The following DZIP1 variants were observed in gnomAD, a reference collection of about 807,000 sequenced individuals.
The protein encoded by DZIP1 is cilium assembly protein DZIP1.
In DZIP1, 97 loss-of-function variants were observed where a neutral mutation model predicts 107.6. The ratio of observed to expected loss-of-function variants is 0.90; its 90% CI spans 0.77 to 1.07. The LOEUF (loss-of-function observed/expected upper bound fraction) is 1.07. Ranked by LOEUF, DZIP1 falls within the 50% of genes least tolerant of loss-of-function variation. The pLI is 0.00. For synonymous variants in DZIP1, 390 were observed against 386.4 expected (o/e 1.01, Z -0.11); for missense variants, 1,035 against 1,063.6 (o/e 0.97, Z 0.37).
rs2043998530 is a variant in DZIP1 at position 95,580,493 on chromosome 13, C to T, written c.*1741G>A. 1 of 152,148 alleles carries T rather than the reference C, an allele frequency of 6.6e-6. No homozygotes were observed. Among genetic ancestry groups the T allele is most frequent in the African/African-American group, 2.4e-5 (1 of 41,422 alleles). The allele number at this position is 152,148 out of a possible 1,614,324, so 9.4% of individuals were successfully genotyped here. A position where few individuals can be genotyped will look rare whatever the true frequency, so the allele number is the denominator to read the frequency against. ...CTCAGGAATGAAAACATGGCAGACACAAAACATGGAATAGAGACCTGGCTT... is the reference window on the plus strand; with the variant it reads ...CTCAGGAATGAAAACATGGCAGACATAAAACATGGAATAGAGACCTGGCTT... On this transcript the variant is annotated 3_prime_UTR_variant, in exon 23 of 23. Transcript: ENST00000376829.
At chr13:95,644,212 C>T (rs1878853754) in intron 1 of DZIP1, among the ~76,000 whole-genome samples, 165 bp downstream of exon 1, 1 of 152,230 alleles carries the variant, frequency 6.6e-6, no homozygotes, top group African/African-American at 2.4e-5. Context: ...CGGCGCCCTT[C>T]CTTGGAAGGC....
Position 95,599,543 on chromosome 13 carries a change from A to T in DZIP1, c.1478-119T>A, listed in dbSNP as rs997217795. ...GGTATTTTAGTCATGCCTGAATAGC[A>T]AGAATTTACTGAGGAAAAAACGTTG... is the stretch of plus-strand genomic sequence containing the variant. On this transcript the variant is annotated intron_variant, in intron 14 of 22. Coordinates refer to ENST00000376829, the MANE Select transcript of DZIP1 (RefSeq NM_198968.4). 5.8e-6 allele frequency: 5 copies of T among 856,904 alleles called. No individual in the cohort carries two copies. In the African/African-American group the frequency reaches 6.8e-5, roughly 12 times the overall value. The allele number at this position is 856,904 out of a possible 1,614,324, so 53.1% of individuals were successfully genotyped here. A position where few individuals can be genotyped will look rare whatever the true frequency, so the allele number is the denominator to read the frequency against.
At chr13:95,606,235 C>T (rs1409950598) in intron 13 of DZIP1, among the ~76,000 whole-genome samples, 176 bp from the exon 14 acceptor site, 1 of 152,196 alleles carries the variant, frequency 6.6e-6, no homozygotes, top group Non-Finnish European at 1.5e-5. Flanking sequence ...TTCATAACAG[C>T]TTTATGGAGA....
chr13:95,584,548 AT>A, intron 22 of DZIP1, 187 bp downstream of exon 22: 1 of 1,121,522 alleles, frequency 8.9e-7, no homozygotes, highest in Non-Finnish European at 1.1e-6. Context: ...TTAAATAAAA[AT>A]AACAAGTAAA....
intron 16 of DZIP1, 23 bp downstream of exon 16, chr13:95,593,921 A>G (rs2044375550): frequency 6.3e-7 from 1 of 1,581,642 alleles, no homozygotes; most frequent in Non-Finnish European, 8.6e-7. Flanking sequence ...ACTAACAAAT[A>G]TTCCAAAAAT....
intron 19 of DZIP1, among the ~76,000 whole-genome samples, chr13:95,588,495 T>C (rs1009003727): frequency 2.0e-5 from 3 of 152,252 alleles, no homozygotes; most frequent in African/African-American, 7.2e-5. Context: ...ACCTACAATT[T>C]ATTGAGTACC....
At chr13:95,629,223 G>T (rs1158424333) in intron 7 of DZIP1, among the ~76,000 whole-genome samples, 3 of 152,274 alleles carry the variant, frequency 2.0e-5, no homozygotes, top group Middle Eastern at 3.4e-3. Context: ...CTCTCCATTA[G>T]GTACACCAAG....
intron 7 of DZIP1, among the ~76,000 whole-genome samples, chr13:95,629,038 A>G (rs1198694195): frequency 6.6e-6 from 1 of 152,224 alleles, no homozygotes; most frequent in Non-Finnish European, 1.5e-5. Context: ...TTAAAAAGAA[A>G]GAGAAAGAGT....
intron 9 of DZIP1, among the ~76,000 whole-genome samples, chr13:95,621,026 G>T (rs1329708720): frequency 6.6e-6 from 1 of 152,192 alleles, no homozygotes; most frequent in Non-Finnish European, 1.5e-5. Context: ...GAGGCGAGTA[G>T]ACACAGCCAT....
intron 7 of DZIP1, among the ~76,000 whole-genome samples, chr13:95,626,071 G>T (rs1488118114): frequency 1.3e-5 from 2 of 152,104 alleles, no homozygotes; most frequent in Non-Finnish European, 2.9e-5. Flanking sequence ...GGTCAAGGCT[G>T]CAGTGAGCTG....
chr13:95,585,015 A>T, intron 21 of DZIP1, 105 bp from the exon 22 acceptor site: 1 of 825,692 alleles, frequency 1.2e-6, no homozygotes, highest in South Asian at 2.4e-5. Flanking sequence ...CCATAAGGAA[A>T]GAAGTGGGGA....
rs1285374089 is a variant in DZIP1 at position 95,607,061 on chromosome 13, T to TA, written c.1421-1003dup. Among the ~76,000 whole-genome samples the TA allele has an allele frequency of 5.3e-5, 8 of 151,860 alleles. No individual in the cohort carries two copies. The East Asian group carries it at 1.2e-3, about 22-fold the overall frequency. Reference sequence around the variant, plus strand: ...GCTACTTTTTTATTTTATTTTTTTTTAAAAAACACAGTTTTACTCCCGTCG... The same window carrying TA: ...GCTACTTTTTTATTTTATTTTTTTTTAAAAAAACACAGTTTTACTCCCGTCG... On this transcript the variant is annotated intron_variant, in intron 13 of 22. Coordinates refer to ENST00000376829, the MANE Select transcript of DZIP1 (RefSeq NM_198968.4).
intron 7 of DZIP1, 81 bp downstream of exon 7, chr13:95,629,908 C>T: frequency 1.4e-6 from 2 of 1,410,586 alleles, no homozygotes; most frequent in Non-Finnish European, 1.9e-6. Context: ...CTTAAGTGTC[C>T]TCTGTTTATT....
intron 6 of DZIP1, among the ~76,000 whole-genome samples, chr13:95,632,530 A>G (rs996719371): frequency 1.3e-5 from 2 of 151,090 alleles, no homozygotes; most frequent in African/African-American, 4.9e-5. Flanking sequence ...TCCTCCCCTC[A>G]CTCATCCACT....
intron 2 of DZIP1, 31 bp downstream of exon 2, chr13:95,643,570 T>C (rs41277668): frequency 0.12 from 19,038 of 152,598 alleles, 1,337 homozygotes; most frequent in Middle Eastern, 0.2. Context: ...CTTAGCTTCC[T>C]CCATCTGTTT....
chr13:95,591,159 G>A (rs781054906), intron 16 of DZIP1, among the ~76,000 whole-genome samples: 15 of 151,494 alleles, frequency 9.9e-5, no homozygotes, highest in Non-Finnish European at 1.8e-4. Context: ...CTTCCGAGTA[G>A]CTGGGATTAC....
Position 95,641,730 on chromosome 13 carries a change from G to A in DZIP1, c.162C>T (p.Pro54=). Residue 54 remains proline, a synonymous_variant, in exon 5 of 23, where the codon CCC becomes CCT. Coordinates refer to ENST00000376829, the MANE Select transcript of DZIP1 (RefSeq NM_198968.4). The surrounding 1 kb of genome is among the most constrained non-coding windows in gnomAD (Gnocchi z 4.3). ...ACAPPSAASG[P]LPFFQFRPRL... ...GCGGCCTGAACTGGAAGAAGGGCAG[G>A]GGCCCCGAAGCCGCGCTGGGGGGCG... 1 of 1,596,364 alleles carries A rather than the reference G, an allele frequency of 6.3e-7. No homozygotes were observed. The highest frequency in any genetic ancestry group is 8.5e-7 in the Non-Finnish European group (1 of 1,176,728).
rs1197920780 is a variant in DZIP1 at position 95,578,648 on chromosome 13, G to A, written c.*3586C>T. On this transcript the variant is annotated 3_prime_UTR_variant, in exon 23 of 23. Coordinates refer to ENST00000376829, the MANE Select transcript of DZIP1 (RefSeq NM_198968.4). ...TCCACATGCCCATGGCCACTCAGTA[G>A]ATTGTTGAAAAAGCAAAGCCACACC... 6.6e-6 allele frequency: 1 copy of A among 152,214 alleles called. No individual in the cohort carries two copies. The highest frequency in any genetic ancestry group is 1.9e-4 in the East Asian group (1 of 5,202). 9.4% of individuals were successfully genotyped at this position (152,214 alleles called of 1,614,324 possible). A position where few individuals can be genotyped will look rare whatever the true frequency, so the allele number is the denominator to read the frequency against.
chr13:95,599,530 AT>A, intron 14 of DZIP1, 106 bp from the exon 15 acceptor site: 1 of 977,164 alleles, frequency 1.0e-6, no homozygotes, highest in Non-Finnish European at 1.6e-6. Context: ...TATTTTAGTC[AT>A]GCCTGAATAG....
Sources: allele counts gnomAD v4.1 joint callset (sites outside exome capture counted in the v4.1 genomes callset), GRCh38; gene constraint gnomAD v4.1.1; non-coding constraint Gnocchi (gnomAD v3.1); transcripts MANE v1.5; gene names NCBI Gene and HGNC (gene_info 2026-07-23, HGNC 2026-07-21).